Variants in PDLIM5 observed in about 807,000 individuals in gnomAD.
PDLIM5 encodes the protein PDZ and LIM domain 5.
A neutral mutation model predicts 64.2 loss-of-function variants in PDLIM5; 34 were observed. The observed-to-expected ratio is 0.53, with a 90% CI of 0.40 to 0.71. The LOEUF (loss-of-function observed/expected upper bound fraction) is 0.71. Ranked by LOEUF, PDLIM5 falls within the 30% of genes least tolerant of loss-of-function variation. PDLIM5 has a pLI of 0.00. For missense variants in PDLIM5, 683 were observed against 733.6 expected (o/e 0.93, Z 0.80); for synonymous variants, 253 against 269.1 (o/e 0.94, Z 0.59).
chr4:94,578,666 T>C (rs1000463975), intron 5 of PDLIM5, among the ~76,000 whole-genome samples: 2 of 152,152 alleles, frequency 1.3e-5, no homozygotes, highest in Non-Finnish European at 2.9e-5. Flanking sequence ...TTTGTGCTAT[T>C]AATGGATGCA....
At chr4:94,633,611 G>A (rs1455597173) in intron 8 of PDLIM5, among the ~76,000 whole-genome samples, 1 of 152,066 alleles carries the variant, frequency 6.6e-6, no homozygotes, top group African/African-American at 2.4e-5. Flanking sequence ...AATAATTCTG[G>A]TGCAGGAGTC....
chr4:94,509,127 C>T (rs1358994889), intron 2 of PDLIM5, among the ~76,000 whole-genome samples: 1 of 152,154 alleles, frequency 6.6e-6, no homozygotes, highest in East Asian at 1.9e-4. Context: ...GTATACATTT[C>T]ATCATTATAT....
In PDLIM5 at chr4:94,658,360, A is replaced by G. The variant is rs539552681; in HGVS notation, c.1585+813A>G. ...TAGACTAAAAGGACCTATCTACTGCATTTGTCTTATTACACAAACTCAGAA... is the reference window on the plus strand; with the variant it reads ...TAGACTAAAAGGACCTATCTACTGCGTTTGTCTTATTACACAAACTCAGAA... On this transcript the variant is annotated intron_variant, in intron 11 of 12. Coordinates refer to ENST00000317968, the MANE Select transcript of PDLIM5 (RefSeq NM_006457.5). 9.8e-5 allele frequency among the ~76,000 whole-genome samples: 15 copies of G among 152,340 alleles called. No individual in the cohort carries two copies. The South Asian group carries it at 1.7e-3, about 17-fold the overall frequency.
At chr4:94,498,563 A>C (rs1301332550) in intron 2 of PDLIM5, among the ~76,000 whole-genome samples, 1 of 152,244 alleles carries the variant, frequency 6.6e-6, no homozygotes, top group Non-Finnish European at 1.5e-5. Flanking sequence ...TTATTTAATT[A>C]CTTTCTATAC....
chr4:94,571,298 T>C (rs764108220), intron 3 of PDLIM5, among the ~76,000 whole-genome samples: 2 of 152,218 alleles, frequency 1.3e-5, no homozygotes, highest in Non-Finnish European at 2.9e-5. Flanking sequence ...CATCAGGGAT[T>C]TTTATTTTGG....
At chr4:94,491,870 C>T (rs923603230) in intron 2 of PDLIM5, among the ~76,000 whole-genome samples, 4 of 151,594 alleles carry the variant, frequency 2.6e-5, no homozygotes, top group African/African-American at 9.7e-5. Flanking sequence ...AATGCATATC[C>T]CTCTACCTCA....
chr4:94,567,472 G>A (rs2110260633), intron 3 of PDLIM5, among the ~76,000 whole-genome samples: 1 of 151,242 alleles, frequency 6.6e-6, no homozygotes, highest in African/African-American at 2.4e-5. Flanking sequence ...TTGGACCTTA[G>A]TAAGTTTTCA....
At position 94,667,366 on chromosome 4, in the gene PDLIM5, TG is replaced by T. The variant is rs958844329; in HGVS notation, c.*3303del. On this transcript the variant is annotated 3_prime_UTR_variant, in exon 13 of 13. Coordinates refer to ENST00000317968, the MANE Select transcript of PDLIM5 (RefSeq NM_006457.5). Reference sequence around the variant, plus strand: ...CAGCCCACTGTGGGTCAAAAATATTTGGGGAAAAAAATGGATGGTTGCGCCT... The same window carrying T: ...CAGCCCACTGTGGGTCAAAAATATTTGGGAAAAAAATGGATGGTTGCGCCT... 6.6e-6 allele frequency: 1 copy of T among 152,190 alleles called. No individual in the cohort carries two copies. The highest frequency in any genetic ancestry group is 1.5e-5 in the Non-Finnish European group (1 of 68,038). The allele number at this position is 152,190 out of a possible 1,614,324, so 9.4% of individuals were successfully genotyped here.
intron 2 of PDLIM5, among the ~76,000 whole-genome samples, chr4:94,483,553 T>C (rs966491559): frequency 1.3e-5 from 2 of 152,198 alleles, no homozygotes; most frequent in African/African-American, 4.8e-5. Flanking sequence ...TCCATTTTAA[T>C]CTATAAATTT....
In PDLIM5 at chr4:94,585,154, G is replaced by A. The variant is rs570011243; in HGVS notation, c.711-411G>A. 3.9e-3 allele frequency: 613 copies of A among 156,776 alleles called. 6 individuals carry two copies. Among genetic ancestry groups the A allele is most frequent in the African/African-American group, 0.014 (566 of 41,578 alleles). 9.7% of individuals were successfully genotyped at this position (156,776 alleles called of 1,614,324 possible). A position where few individuals can be genotyped will look rare whatever the true frequency, so the allele number is the denominator to read the frequency against. On this transcript the variant is annotated intron_variant, in intron 5 of 12. Coordinates refer to ENST00000317968, the MANE Select transcript of PDLIM5 (RefSeq NM_006457.5). ...TGCCCAGGCTGGAGTGCAGTGGTGC[G>A]ATCTTGGCTCACTGCAACCTCCACA... is the stretch of plus-strand genomic sequence containing the variant.
At chr4:94,616,236 C>T (rs912033376) in intron 7 of PDLIM5, among the ~76,000 whole-genome samples, 1 of 151,876 alleles carries the variant, frequency 6.6e-6, no homozygotes, top group Non-Finnish European at 1.5e-5. Context: ...ATGAAAATGA[C>T]CTCTATATAA....
intron 3 of PDLIM5, among the ~76,000 whole-genome samples, chr4:94,550,882 C>T (rs548616675): frequency 6.6e-6 from 1 of 152,136 alleles, no homozygotes; most frequent in Admixed American, 6.6e-5. Flanking sequence ...TTGAAATATA[C>T]TCACCTAAAC....
rs868009820 is a variant in PDLIM5, at chr4:94,488,838, G to A, written c.96+33454G>A. Among the ~76,000 whole-genome samples the A allele has an allele frequency of 1.3e-5, 2 of 152,274 alleles. 1 individual carries two copies. The highest frequency in any genetic ancestry group is 4.1e-4 in the South Asian group (2 of 4,828). On this transcript the variant is annotated intron_variant, in intron 2 of 12. Transcript: ENST00000317968. The stretch of plus-strand genomic sequence containing the variant: ...CCTCTTTGTTTATTGGACTGTTTTA[G>A]TCATCATAAAGTGCTTCAATCTTTA...
chr4:94,585,649 TG>T lies in PDLIM5; in HGVS notation c.796del (p.Glu266ArgfsTer30). The T allele has an allele frequency of 6.2e-7, 1 of 1,613,046 alleles. No homozygotes were observed. The highest frequency in any genetic ancestry group is 8.5e-7 in the Non-Finnish European group (1 of 1,179,398). On this transcript the variant is annotated frameshift_variant, in exon 6 of 13. Transcript: ENST00000317968. LOFTEE classifies it high-confidence loss of function. The stretch of plus-strand genomic sequence containing the variant: ...GTGATGCCAGCAAGAAGAGACTGAT[TG>T]AGGATACTGAAGACTGGCGTCCAAG... ...HSDASKKRLI[E>X]DTEDWRPRTG...
chr4:94,526,206 A>G (rs1412426464), intron 3 of PDLIM5, among the ~76,000 whole-genome samples: 2 of 152,122 alleles, frequency 1.3e-5, no homozygotes, highest in Non-Finnish European at 2.9e-5. Context: ...CCAGAATCTT[A>G]TTTTCTATTG....
In PDLIM5 at chr4:94,663,971, T is replaced by A; in HGVS notation, c.1702-7T>A. The A allele has an allele frequency of 6.3e-7, 1 of 1,595,692 alleles. No homozygotes were observed. On this transcript the variant is annotated splice_region_variant and splice_polypyrimidine_tract_variant and intron_variant, in intron 12 of 12. Transcript: ENST00000317968. ...ATAATATCTCTTAAATGCTGCTTCT[T>A]TTTCAGGTGTGTTGTGAAAGTTTGG...
At chr4:94,531,273 A>C (rs1360532345) in intron 3 of PDLIM5, among the ~76,000 whole-genome samples, 1 of 152,174 alleles carries the variant, frequency 6.6e-6, no homozygotes, top group Admixed American at 6.5e-5. Flanking sequence ...TCCATCATTA[A>C]AATTAGAAAT....
chr4:94,465,443 C>T (rs1035610491), intron 2 of PDLIM5, among the ~76,000 whole-genome samples: 3 of 152,132 alleles, frequency 2.0e-5, no homozygotes, highest in Non-Finnish European at 4.4e-5. Flanking sequence ...CTCTGTCACC[C>T]AGGCTGTAGT....
At chr4:94,522,476 A>T (rs1437540431) in intron 2 of PDLIM5, among the ~76,000 whole-genome samples, 1 of 152,036 alleles carries the variant, frequency 6.6e-6, no homozygotes. Flanking sequence ...CCCGGGTTCA[A>T]GCAATTCTCC....
Sources: allele counts gnomAD v4.1 joint callset (sites outside exome capture counted in the v4.1 genomes callset), GRCh38; gene constraint gnomAD v4.1.1; transcripts MANE v1.5; gene names NCBI Gene and HGNC (gene_info 2026-07-23, HGNC 2026-07-21).